The following LRP1B variants were observed in gnomAD, a reference collection of about 807,000 sequenced individuals.
The protein encoded by LRP1B is low-density lipoprotein receptor-related protein 1B.
In LRP1B, 217 loss-of-function variants were observed where a neutral mutation model predicts 556.6. That is an observed-to-expected ratio of 0.39 (90% CI 0.35 to 0.44). LRP1B has a LOEUF of 0.44. Among genes scored for constraint, LRP1B ranks in the 20% least tolerant of loss-of-function variants. The pLI is 1.00. For missense variants in LRP1B, 5,053 were observed against 5,620.8 expected, an observed-to-expected ratio of 0.90 and a Z score of 3.23; for synonymous variants, 2,047 against 1,865.8, an observed-to-expected ratio of 1.10 and a Z score of -2.50.
intron 72 of LRP1B, among the ~76,000 whole-genome samples, chr2:140,359,977 C>T (rs1354472813): frequency 1.3e-5 from 2 of 151,560 alleles, no homozygotes; most frequent in African/African-American, 4.8e-5. Context: ...CCAGGTTTGG[C>T]ATCTTCTAGC....
chr2:140,367,438 T>C (rs2105158268), intron 71 of LRP1B, among the ~76,000 whole-genome samples: 1 of 151,742 alleles, frequency 6.6e-6, no homozygotes, highest in African/African-American at 2.4e-5. Flanking sequence ...AAGAGCTGGG[T>C]GAATCCACCA....
chr2:141,457,480 A>T (rs979233294), intron 3 of LRP1B, among the ~76,000 whole-genome samples: 6 of 152,122 alleles, frequency 3.9e-5, no homozygotes, highest in Non-Finnish European at 8.8e-5. Flanking sequence ...AATAGCTAAT[A>T]CATGCTGGAT....
In LRP1B at chr2:140,649,454, C is replaced by T. The variant is rs151142692; in HGVS notation, c.6800-47815G>A. Among the ~76,000 whole-genome samples the T allele has an allele frequency of 1.2e-3, 188 of 152,298 alleles. 2 individuals are homozygous for T. The highest frequency in any genetic ancestry group is 4.3e-3 in the African/African-American group (179 of 41,556). On this transcript the variant is annotated intron_variant, in intron 41 of 90. Coordinates refer to ENST00000389484, the MANE Select transcript of LRP1B (RefSeq NM_018557.3). ...TGTTCATTCAATCCCATATTCTCTC[C>T]AAATTGTCCCCAGACTACATGCTAC...
chr2:141,359,217 A>G (rs1221327586), intron 3 of LRP1B, among the ~76,000 whole-genome samples: 1 of 149,872 alleles, frequency 6.7e-6, no homozygotes, highest in Admixed American at 6.6e-5. Context: ...AACCAAACAA[A>G]CCCAGAAAAG....
At chr2:141,743,205 T>A (rs1693777298) in intron 2 of LRP1B, among the ~76,000 whole-genome samples, 1 of 152,204 alleles carries the variant, frequency 6.6e-6, no homozygotes, top group Non-Finnish European at 1.5e-5. Flanking sequence ...ATGGTGTTTG[T>A]CCTTCATTCT....
intron 2 of LRP1B, among the ~76,000 whole-genome samples, chr2:141,505,252 A>G (rs1683881377): frequency 6.6e-6 from 1 of 151,928 alleles, no homozygotes; most frequent in Non-Finnish European, 1.5e-5. Flanking sequence ...TGCTCCCTGT[A>G]ACCATTTCTT....
chr2:141,727,628 G>A (rs1203355931), intron 2 of LRP1B, among the ~76,000 whole-genome samples: 3 of 152,126 alleles, frequency 2.0e-5, no homozygotes, highest in Non-Finnish European at 4.4e-5. Flanking sequence ...TTAAAATAAA[G>A]AGAATGGAAT....
At chr2:140,752,378 G>A (rs1688611538) in intron 35 of LRP1B, among the ~76,000 whole-genome samples, 1 of 146,302 alleles carries the variant, frequency 6.8e-6, no homozygotes, top group South Asian at 2.1e-4. Context: ...GGTTTGGAGT[G>A]CAGTGGCACA....
At chr2:140,978,243 C>T (rs575337003) in intron 18 of LRP1B, among the ~76,000 whole-genome samples, 3 of 152,262 alleles carry the variant, frequency 2.0e-5, no homozygotes, top group East Asian at 3.9e-4. Flanking sequence ...AAAATAGATG[C>T]TAGTAAATTC....
intron 3 of LRP1B, among the ~76,000 whole-genome samples, chr2:141,285,495 G>A (rs1270588774): frequency 4.8e-5 from 6 of 124,496 alleles, no homozygotes; most frequent in African/African-American, 1.9e-4. Flanking sequence ...TTGTTCTGTC[G>A]CCCAGGGTGG....
At chr2:142,062,386 T>C (rs897108183) in intron 1 of LRP1B, among the ~76,000 whole-genome samples, 1 of 151,792 alleles carries the variant, frequency 6.6e-6, no homozygotes. Flanking sequence ...TGCTGACCAC[T>C]GCCTATTCAC....
intron 2 of LRP1B, among the ~76,000 whole-genome samples, chr2:141,689,577 G>C (rs1691438929): frequency 6.6e-6 from 1 of 151,696 alleles, no homozygotes; most frequent in Admixed American, 6.6e-5. Context: ...AAATTGTTTA[G>C]AGAAACAAAA....
intron 43 of LRP1B, among the ~76,000 whole-genome samples, chr2:140,561,564 CTT>C: frequency 6.6e-6 from 1 of 151,988 alleles, no homozygotes. Context: ...GGCTGTGACT[CTT>C]AGGATAAAGA....
chr2:141,055,315 A>G (rs936886063), intron 9 of LRP1B, 56 bp from the exon 10 acceptor site: 2 of 1,564,796 alleles, frequency 1.3e-6, no homozygotes, highest in African/African-American at 1.4e-5. Context: ...TAAGATAACT[A>G]TGTGCATCAG....
chr2:140,445,473 TA>T (rs1161414016), intron 63 of LRP1B, among the ~76,000 whole-genome samples: 1 of 152,176 alleles, frequency 6.6e-6, no homozygotes, highest in African/African-American at 2.4e-5. Context: ...TATCACATTT[TA>T]AATCAGATTT....
At chr2:141,213,455 G>A (rs140889174) in intron 6 of LRP1B, among the ~76,000 whole-genome samples, 11 of 152,070 alleles carry the variant, frequency 7.2e-5, no homozygotes, top group African/African-American at 1.2e-4. Context: ...AGATGTACTC[G>A]CACACACCCC....
chr2:141,468,959 T>A (rs1482211361), intron 3 of LRP1B, among the ~76,000 whole-genome samples: 1 of 152,226 alleles, frequency 6.6e-6, no homozygotes, highest in Non-Finnish European at 1.5e-5. Flanking sequence ...TGCCGCTTCA[T>A]GGTTTTTTAC....
intron 33 of LRP1B, among the ~76,000 whole-genome samples, chr2:140,771,987 C>T (rs991276389): frequency 6.6e-6 from 1 of 152,144 alleles, no homozygotes; most frequent in African/African-American, 2.4e-5. Flanking sequence ...TTCAATCGAA[C>T]CTGTCATGAG....
chr2:140,555,956 C>T (rs1478826272), intron 43 of LRP1B, among the ~76,000 whole-genome samples: 1 of 152,026 alleles, frequency 6.6e-6, no homozygotes, highest in Admixed American at 6.6e-5. Flanking sequence ...TGGACATTGG[C>T]TGGCCCGATG....
Sources: allele counts gnomAD v4.1 joint callset (sites outside exome capture counted in the v4.1 genomes callset), GRCh38; gene constraint gnomAD v4.1.1; transcripts MANE v1.5; gene names NCBI Gene and HGNC (gene_info 2026-07-23, HGNC 2026-07-21).